UNC13C: variants seen among roughly 807,000 people sequenced by gnomAD.
UNC13C encodes unc-13 homolog C.
In UNC13C, 174 loss-of-function variants were observed where a neutral mutation model predicts 245.4. The ratio of observed to expected loss-of-function variants is 0.71; its 90% CI spans 0.63 to 0.80. The LOEUF (loss-of-function observed/expected upper bound fraction) is 0.80, where lower values mean the gene tolerates loss of function less well. UNC13C is among the 30% of genes least tolerant of loss of function. The probability of loss-of-function intolerance (pLI) is 0.00; values close to 1 mark genes in which losing one functional copy is unlikely to be tolerated. For synonymous variants in UNC13C, 992 were observed against 895.1 expected (o/e 1.11, Z -1.93); for missense variants, 2,829 against 2,602.9 (o/e 1.09, Z -1.89).
At chr15:53,856,955 G>C in the UNC13C span, among the ~76,000 whole-genome samples, 1 of 152,096 alleles carries the variant, frequency 6.6e-6, no homozygotes, top group Admixed American at 6.5e-5. Context: ...TATAAATCTG[G>C]GTGCTCCTGT....
intron 24 of UNC13C, among the ~76,000 whole-genome samples, chr15:54,523,359 G>A (rs577487928): frequency 2.0e-5 from 3 of 152,284 alleles, no homozygotes; most frequent in Middle Eastern, 3.4e-3. Flanking sequence ...TCATGTAAAC[G>A]TTAAATACTT....
chr15:53,876,987 T>C, the UNC13C span, among the ~76,000 whole-genome samples: 1 of 152,318 alleles, frequency 6.6e-6, no homozygotes, highest in African/African-American at 2.4e-5. Flanking sequence ...TGGAATATTC[T>C]TCAGAAATCA....
At chr15:54,062,092 G>A (rs1897866464) in intron 2 of UNC13C, among the ~76,000 whole-genome samples, 1 of 152,060 alleles carries the variant, frequency 6.6e-6, no homozygotes, top group South Asian at 2.1e-4. Flanking sequence ...GGCCTAGGCA[G>A]GTGGATCACC....
chr15:53,957,642 T>C, the UNC13C span, among the ~76,000 whole-genome samples: 3 of 152,246 alleles, frequency 2.0e-5, no homozygotes, highest in African/African-American at 7.2e-5. Context: ...TTTTGTTTTA[T>C]AGCCCAGAAA....
chr15:54,089,908 G>T (rs1028506308), intron 2 of UNC13C, among the ~76,000 whole-genome samples: 4 of 152,140 alleles, frequency 2.6e-5, no homozygotes, highest in African/African-American at 9.7e-5. Context: ...GGAACAAGCG[G>T]TAGGACTTCC....
intron 4 of UNC13C, among the ~76,000 whole-genome samples, chr15:54,219,888 A>T (rs62010027): frequency 2.0e-5 from 3 of 151,204 alleles, no homozygotes; most frequent in African/African-American, 7.4e-5. Flanking sequence ...AATCAAAACC[A>T]CAGTGAGATA....
intron 4 of UNC13C, among the ~76,000 whole-genome samples, chr15:54,165,058 T>G (rs2033117334): frequency 6.6e-6 from 1 of 152,200 alleles, no homozygotes; most frequent in Middle Eastern, 3.2e-3. Context: ...TTTTAAAATT[T>G]CAAAGACTCT....
intron 4 of UNC13C, among the ~76,000 whole-genome samples, chr15:54,166,276 G>T (rs535773844): frequency 6.6e-6 from 1 of 151,944 alleles, no homozygotes; most frequent in Non-Finnish European, 1.5e-5. Flanking sequence ...GCAAACATTC[G>T]TATATTTAGC....
intron 10 of UNC13C, among the ~76,000 whole-genome samples, chr15:54,286,479 G>C (rs1014509255): frequency 3.3e-5 from 5 of 152,002 alleles, no homozygotes; most frequent in Admixed American, 6.6e-5. Context: ...TGGTTACTTG[G>C]GCAGGAATTT....
Position 54,217,104 on chromosome 15 carries a change from G to A in UNC13C, c.3072-17926G>A, listed in dbSNP as rs78201626. Among the ~76,000 whole-genome samples, 694 of 152,084 alleles carry A rather than the reference G, an allele frequency of 4.6e-3. 5 individuals carry two copies. The highest frequency in any genetic ancestry group is 0.016 in the African/African-American group (663 of 41,522). ...AGTCTGGAACAATTAGTACTGAGGAGGAGCTTTATTCTTTGAAGTTTATTT... is the reference window on the plus strand; with the variant it reads ...AGTCTGGAACAATTAGTACTGAGGAAGAGCTTTATTCTTTGAAGTTTATTT... On this transcript the variant is annotated intron_variant, in intron 4 of 32. Coordinates refer to ENST00000260323, the MANE Select transcript of UNC13C (RefSeq NM_001080534.3).
At chr15:53,960,051 C>G in the UNC13C span, among the ~76,000 whole-genome samples, 1 of 152,148 alleles carries the variant, frequency 6.6e-6, no homozygotes, top group African/African-American at 2.4e-5. Context: ...TGAGATCACC[C>G]TCTCTCTTAC....
At chr15:54,026,215 T>C (rs879386641) in intron 2 of UNC13C, among the ~76,000 whole-genome samples, 1 of 152,212 alleles carries the variant, frequency 6.6e-6, no homozygotes, top group Non-Finnish European at 1.5e-5. Context: ...TCATATATAT[T>C]GAATCCTCAT....
At chr15:54,454,753 C>T (rs12595217) in intron 19 of UNC13C, among the ~76,000 whole-genome samples, 61,229 of 151,512 alleles carry the variant, frequency 0.4, 12,635 homozygotes, top group East Asian at 0.62. Context: ...CAAGTTTCAT[C>T]CACAGTGTAG....
At chr15:53,992,048 A>G (rs1894416099) in intron 1 of UNC13C, among the ~76,000 whole-genome samples, 2 of 152,044 alleles carry the variant, frequency 1.3e-5, no homozygotes, top group Non-Finnish European at 2.9e-5. Flanking sequence ...ACCGTTTTCC[A>G]TACTATTTCT....
chr15:54,180,459 C>T (rs1045089770), intron 4 of UNC13C, among the ~76,000 whole-genome samples: 1 of 151,968 alleles, frequency 6.6e-6, no homozygotes, highest in African/African-American at 2.4e-5. Flanking sequence ...GTGTGATGAA[C>T]ATGAGAGTGC....
At chr15:54,355,503 C>G (rs528064403) in intron 17 of UNC13C, among the ~76,000 whole-genome samples, 1 of 151,908 alleles carries the variant, frequency 6.6e-6, no homozygotes, top group African/African-American at 2.4e-5. Context: ...GCTACAGGCA[C>G]GCACCACCAA....
At chr15:54,134,064 GT>G (rs2031589544) in intron 2 of UNC13C, among the ~76,000 whole-genome samples, 1 of 151,968 alleles carries the variant, frequency 6.6e-6, no homozygotes, top group African/African-American at 2.4e-5. Flanking sequence ...GTGTGTGTGT[GT>G]GTGTGTGTGG....
At chr15:54,370,085 A>G (rs572919884) in intron 17 of UNC13C, among the ~76,000 whole-genome samples, 38 of 152,264 alleles carry the variant, frequency 2.5e-4, no homozygotes, top group Non-Finnish European at 3.5e-4. Flanking sequence ...CTATCGAGCC[A>G]ACGCTTGGCA....
intron 2 of UNC13C, among the ~76,000 whole-genome samples, chr15:54,089,079 G>C (rs778912993): frequency 8.5e-5 from 13 of 152,050 alleles, no homozygotes; most frequent in Non-Finnish European, 1.8e-4. Flanking sequence ...CCCTTCTCCT[G>C]TGCTTACCCC....
Sources: gnomAD v4.1 joint callset for allele counts (sites outside exome capture counted in the v4.1 genomes callset) on GRCh38, gnomAD v4.1.1 for gene constraint, MANE v1.5 for transcripts, NCBI Gene and HGNC (gene_info 2026-07-23, HGNC 2026-07-21) for gene names.